Variants in OTOG observed in about 807,000 individuals in gnomAD.
OTOG encodes the protein otogelin.
A neutral mutation model predicts 313.8 loss-of-function variants in OTOG; 296 were observed. The ratio of observed to expected loss-of-function variants is 0.94; its 90% CI spans 0.86 to 1.04. The LOEUF (loss-of-function observed/expected upper bound fraction) is 1.04, where lower values mean the gene tolerates loss of function less well. Among genes scored for constraint, OTOG ranks in the 50% least tolerant of loss-of-function variants. The pLI is 0.00. For missense variants in OTOG, 3,948 were observed against 3,840.1 expected, an observed-to-expected ratio of 1.03 and a Z score of -0.74; for synonymous variants, 1,533 against 1,554.9, an observed-to-expected ratio of 0.99 and a Z score of 0.33.
chr11:17,597,263 G>A (rs1335565897), intron 30 of OTOG, among the ~76,000 whole-genome samples: 2 of 152,314 alleles, frequency 1.3e-5, no homozygotes, highest in South Asian at 2.1e-4. Flanking sequence ...GAGGAGCCAG[G>A]GTTCATCCCT....
intron 39 of OTOG, 109 bp downstream of exon 39, chr11:17,613,810 T>G: frequency 5.1e-6 from 4 of 789,340 alleles, no homozygotes; most frequent in Non-Finnish European, 6.1e-6. Flanking sequence ...AGGGCAGGGG[T>G]GGGGAGGGGA....
Position 17,638,467 on chromosome 11 carries a change from C to T in OTOG, c.7812C>T (p.Arg2604=), listed in dbSNP as rs1003773318. 2.6e-5 allele frequency: 41 copies of T among 1,549,462 alleles called. No homozygotes were observed. The African/African-American group carries it at 4.2e-4, about 16-fold the overall frequency. The change falls in exon 48 of 56, where the codon CGC becomes CGT. Residue 2604 remains arginine, a synonymous_variant. Transcript: ENST00000399397. The part of the protein sequence containing the change: ...PLYQCVCENF[R]CPQVQCGLGT... ...TCCCCACAGTGTGTGAGAACTTCCG[C>T]TGTCCCCAAGTGCAGTGTGGCCTGG... is the stretch of plus-strand genomic sequence containing the variant.
Position 17,547,908 on chromosome 11 carries a change from G to T in OTOG, c.95-19G>T, listed in dbSNP as rs188771450. 3.6e-4 allele frequency: 166 copies of T among 458,480 alleles called. No individual in the cohort carries two copies. The East Asian group carries it at 5.4e-3, about 15-fold the overall frequency. The allele number at this position is 458,480 out of a possible 1,614,324, so 28.4% of individuals were successfully genotyped here. On this transcript the variant is annotated intron_variant, in intron 1 of 55. Coordinates refer to ENST00000399397, the MANE Select transcript of OTOG (RefSeq NM_001292063.2). ...TAAAGACAAGCACAATTTGAGTGGA[G>T]AATAATCCCCCTCCCCAGCCGCAGC...
chr11:17,634,412 A>T (rs1244787914), intron 44 of OTOG, 131 bp downstream of exon 44: 1 of 1,026,990 alleles, frequency 9.7e-7, no homozygotes. Flanking sequence ...GTGAGCTTGG[A>T]GGAGGGGAGA....
In OTOG at chr11:17,596,096, T is replaced by C. The variant is rs1853095970; in HGVS notation, c.3467T>C (p.Phe1156Ser). ...MCVLNPLREP[F>S]AKKECSILLS... ...GTCCTGAATCCTCTCCGAGAACCAT[T>C]TGCCAAGAAGGAGTGCAGCATCCTG... Residue 1156 changes from phenylalanine (F) to serine (S), a missense_variant, in exon 29 of 56, where the codon TTT becomes TCT. Coordinates refer to ENST00000399397, the MANE Select transcript of OTOG (RefSeq NM_001292063.2). The C allele has an allele frequency of 6.4e-7, 1 of 1,550,618 alleles. No individual in the cohort carries two copies. The highest frequency in any genetic ancestry group is 2.0e-5 in the Admixed American group (1 of 50,980).
chr11:17,592,868 A>G (rs1852983111), intron 25 of OTOG, among the ~76,000 whole-genome samples: 1 of 152,234 alleles, frequency 6.6e-6, no homozygotes, highest in African/African-American at 2.4e-5. Flanking sequence ...ATTCCCCTGC[A>G]AAAAGCTTAC....
intron 15 of OTOG, among the ~76,000 whole-genome samples, chr11:17,565,080 T>C (rs565649190): frequency 2.6e-5 from 4 of 152,240 alleles, no homozygotes; most frequent in African/African-American, 4.8e-5. Flanking sequence ...CCGATGTTAA[T>C]AGATTATCAT....
At chr11:17,598,941 GCTCTCTTCAGACCGTGC>G (rs1378562441) in intron 30 of OTOG, among the ~76,000 whole-genome samples, 1 of 152,142 alleles carries the variant, frequency 6.6e-6, no homozygotes, top group Admixed American at 6.5e-5. Flanking sequence ...TGAGTCGGTG[GCTCTCTTCAGACCGTGC>G]CTATGTGTGA....
rs1565133911 is a variant in OTOG, at chr11:17,645,972, ACC to A, written c.*29_*30del. On this transcript the variant is annotated 3_prime_UTR_variant, in exon 56 of 56. Transcript: ENST00000399397. ...CCTGGGGGCCCGGGCTAGCTGGACC[ACC>A]TCTGCCAGCCCCACTTTCTGTTTCC... 6.5e-7 allele frequency: 1 copy of A among 1,539,750 alleles called. No individual in the cohort carries two copies. Among genetic ancestry groups the A allele is most frequent in the Non-Finnish European group, 8.8e-7 (1 of 1,142,856 alleles).
intron 23 of OTOG, among the ~76,000 whole-genome samples, chr11:17,583,006 TC>T (rs1308634986): frequency 2.0e-5 from 3 of 152,020 alleles, no homozygotes; most frequent in African/African-American, 7.2e-5. Flanking sequence ...AAAATCTCCT[TC>T]ATTTCTGATG....
rs537155111 is a variant in OTOG, at chr11:17,608,935, A to G, written c.4275-195A>G. ...AGAAGTGTGCAGGAGTGTGCCGCAT[A>G]CACATTGGGTGTGTGTGCTCCTGTA... On this transcript the variant is annotated intron_variant, in intron 34 of 55. Transcript: ENST00000399397. 3.3e-5 allele frequency among the ~76,000 whole-genome samples: 5 copies of G among 152,220 alleles called. No individual in the cohort carries two copies. The South Asian group carries it at 1.0e-3, about 32-fold the overall frequency.
intron 20 of OTOG, among the ~76,000 whole-genome samples, chr11:17,575,763 G>A (rs544895447): frequency 6.6e-6 from 1 of 152,332 alleles, no homozygotes; most frequent in African/African-American, 2.4e-5. Context: ...TTGAGATCCA[G>A]ATGTGTGCCT....
At chr11:17,577,384 T>TG (rs895424098) in intron 22 of OTOG, among the ~76,000 whole-genome samples, 2 of 78,048 alleles carry the variant, frequency 2.6e-5, no homozygotes, top group South Asian at 8.8e-4. Context: ...GGTCGTGGGA[T>TG]GGGGGTCAAC....
rs1341036564 is a variant in OTOG at position 17,641,855 on chromosome 11, G to C, written c.8199G>C (p.Glu2733Asp). 6.5e-7 allele frequency: 1 copy of C among 1,549,766 alleles called. No individual in the cohort carries two copies. Residue 2733 changes from glutamate to aspartate, a missense_variant, in exon 52 of 56, where the codon GAG becomes GAC. Physicochemically the swap from Glu to Asp is conservative, Grantham distance 45 (BLOSUM62 2). Coordinates refer to ENST00000399397, the MANE Select transcript of OTOG (RefSeq NM_001292063.2). ...LCDIHCEANQ[E>D]YEHPRDLAAC... ...CCCGCCCTGGCCTGTAGAACCAGGA[G>C]TACGAGCACCCGCGGGACCTCGCTG...
rs140204160 is a variant in OTOG at position 17,640,668 on chromosome 11, G to A, written c.7936-77G>A. Reference sequence around the variant, plus strand: ...CACAGGGAGGGACTGACGTAGAGAGGGGCCCAGGTGGCAGACTGCTCCTGA... The same window carrying A: ...CACAGGGAGGGACTGACGTAGAGAGAGGCCCAGGTGGCAGACTGCTCCTGA... On this transcript the variant is annotated intron_variant, in intron 49 of 55. Transcript: ENST00000399397. The A allele has an allele frequency of 1.1e-3, 1,555 of 1,435,786 alleles. 18 individuals carry two copies. In the African/African-American group the frequency reaches 0.02, roughly 18 times the overall value. 88.9% of individuals were successfully genotyped at this position (1,435,786 alleles called of 1,614,324 possible). A position where few individuals can be genotyped will look rare whatever the true frequency, so the allele number is the denominator to read the frequency against.
intron 25 of OTOG, among the ~76,000 whole-genome samples, chr11:17,592,195 G>A (rs927731568): frequency 1.3e-5 from 2 of 152,194 alleles, no homozygotes; most frequent in Non-Finnish European, 2.9e-5. Context: ...AATGGGCACT[G>A]ATGTGGTGGA....
chr11:17,609,802 C>T lies in OTOG; in HGVS notation c.4502C>T (p.Pro1501Leu), dbSNP rs1565116108. 5 of 1,546,354 alleles carry T rather than the reference C, an allele frequency of 3.2e-6. No homozygotes were observed. Among genetic ancestry groups the T allele is most frequent in the Non-Finnish European group, 3.5e-6 (4 of 1,144,800 alleles). Reference protein sequence around the residue: ...RTPTHRPALTPAAPLTTALNP... With the variant: ...RTPTHRPALTLAAPLTTALNP... Reference sequence around the variant, plus strand: ...CCCACCCACAGGCCAGCCCTCACCCCAGCTGCCCCACTCACCACAGCCCTG... The same window carrying T: ...CCCACCCACAGGCCAGCCCTCACCCTAGCTGCCCCACTCACCACAGCCCTG... Residue 1501 changes from proline (P) to leucine (L), a missense_variant, in exon 36 of 56, where the codon CCA (proline) becomes CTA (leucine). Physicochemically the swap from Pro to Leu is moderately conservative, Grantham distance 98. Coordinates refer to ENST00000399397, the MANE Select transcript of OTOG (RefSeq NM_001292063.2).
At chr11:17,599,550 A>T in intron 30 of OTOG, 121 bp from the exon 31 acceptor site, 1 of 1,028,352 alleles carries the variant, frequency 9.7e-7, no homozygotes, top group Non-Finnish European at 1.5e-6. Context: ...GACATGTGGG[A>T]GGCAGGCCAG....
At chr11:17,635,575 A>G (rs1490562521) in intron 46 of OTOG, 35 bp from the exon 47 acceptor site, 1 of 1,496,752 alleles carries the variant, frequency 6.7e-7, no homozygotes, top group Non-Finnish European at 9.1e-7. Flanking sequence ...CTATGAGAGG[A>G]CTGCTGTGAC....
Sources: gnomAD v4.1 joint callset for allele counts (sites outside exome capture counted in the v4.1 genomes callset) on GRCh38, gnomAD v4.1.1 for gene constraint, MANE v1.5 for transcripts, NCBI Gene and HGNC (gene_info 2026-07-23, HGNC 2026-07-21) for gene names.